Variants in ABLIM2 observed in about 807,000 individuals in gnomAD.
ABLIM2 encodes the protein actin-binding LIM protein 2.
ABLIM2 carries 53 observed loss-of-function variants against 97.7 expected under a neutral mutation model. The observed-to-expected ratio is 0.54, with a 90% CI of 0.44 to 0.68. ABLIM2 has a LOEUF of 0.68. Among genes scored for constraint, ABLIM2 ranks in the 30% least tolerant of loss-of-function variants. The pLI is 0.00. For missense variants in ABLIM2, 835 were observed against 867.2 expected, an observed-to-expected ratio of 0.96 and a Z score of 0.47; for synonymous variants, 361 against 345.8, an observed-to-expected ratio of 1.04 and a Z score of -0.49.
At chr4:8,027,236 A>T (rs11728253) in intron 12 of ABLIM2, among the ~76,000 whole-genome samples, 118,443 of 152,114 alleles carry the variant, frequency 0.78, 46,600 homozygotes, top group African/African-American at 0.9. Context: ...CTGCGTGACC[A>T]GCATGTGGGT....
At chr4:8,057,314 G>A (rs564618865) in intron 7 of ABLIM2, among the ~76,000 whole-genome samples, 31 of 152,178 alleles carry the variant, frequency 2.0e-4, no homozygotes, top group South Asian at 1.9e-3. Flanking sequence ...TTGAACTTCC[G>A]ACTTCGGGTG....
chr4:8,140,446 G>A lies in ABLIM2; in HGVS notation c.10+18234C>T, dbSNP rs561916900. The stretch of plus-strand genomic sequence containing the variant: ...CGTGAAACAGTGCCAGAGGAGGACC[G>A]CATCGTGCACCACCTGGAGGCTTGG... On this transcript the variant is annotated intron_variant, in intron 1 of 20. Transcript: ENST00000447017. This position sits in a 1 kb window ranked among gnomAD's most constrained non-coding sequence, Gnocchi z 5.9. Among the ~76,000 whole-genome samples, 6 of 151,978 alleles carry A rather than the reference G, an allele frequency of 3.9e-5. No individual in the cohort carries two copies. The highest frequency in any genetic ancestry group is 9.7e-5 in the African/African-American group (4 of 41,340).
In ABLIM2 at chr4:7,995,953, A is replaced by T. The variant is rs115172163; in HGVS notation, c.1619-3026T>A. Among the ~76,000 whole-genome samples, 1,032 of 151,936 alleles carry T rather than the reference A, an allele frequency of 6.8e-3. 11 individuals are homozygous for T. The highest frequency in any genetic ancestry group is 0.024 in the African/African-American group (988 of 41,392). ...TGCAGGAACCTGCCTGAGGTCACCC[A>T]GCCAGGTAGCGGCAGCCCCAGGATG... On this transcript the variant is annotated intron_variant, in intron 16 of 20. Coordinates refer to ENST00000447017, the MANE Select transcript of ABLIM2 (RefSeq NM_001130083.2).
At chr4:8,037,432 T>C (rs1026834271) in intron 9 of ABLIM2, among the ~76,000 whole-genome samples, 11 of 151,792 alleles carry the variant, frequency 7.2e-5, no homozygotes, top group Non-Finnish European at 1.2e-4. Flanking sequence ...TGTGGAGGTA[T>C]AGACCCCCCT....
rs1744151670 is a variant in ABLIM2, at chr4:7,986,398, G to A, written c.1681-1505C>T. On this transcript the variant is annotated intron_variant, in intron 17 of 20. Transcript: ENST00000447017. The surrounding 1 kb of genome is among the most constrained non-coding windows in gnomAD (Gnocchi z 4.3). ...GGACCTTCTTCCTGATGCAGAGCTG[G>A]AGTCAGAGGGCTAGAGTCAGGCTCA... Among the ~76,000 whole-genome samples, 1 of 152,198 alleles carries A rather than the reference G, an allele frequency of 6.6e-6. No homozygotes were observed. Among genetic ancestry groups the A allele is most frequent in the African/African-American group, 2.4e-5 (1 of 41,462 alleles).
rs1849189010 is a variant in ABLIM2 at position 8,130,386 on chromosome 4, G to T, written c.11-23749C>A. ...GGCCATGTGGAGAGGTTGGCCTTCTGAGTCCTGCCTGGGCCCTCAGGGTCC... is the reference window on the plus strand; with the variant it reads ...GGCCATGTGGAGAGGTTGGCCTTCTTAGTCCTGCCTGGGCCCTCAGGGTCC... On this transcript the variant is annotated intron_variant, in intron 1 of 20. Coordinates refer to ENST00000447017, the MANE Select transcript of ABLIM2 (RefSeq NM_001130083.2). This position sits in a 1 kb window ranked among gnomAD's most constrained non-coding sequence, Gnocchi z 4.2. Among the ~76,000 whole-genome samples, 1 of 152,248 alleles carries T rather than the reference G, an allele frequency of 6.6e-6. No individual in the cohort carries two copies. The highest frequency in any genetic ancestry group is 1.5e-5 in the Non-Finnish European group (1 of 68,054).
chr4:8,129,261 C>T (rs893837582), intron 1 of ABLIM2, among the ~76,000 whole-genome samples: 6 of 152,186 alleles, frequency 3.9e-5, no homozygotes, highest in African/African-American at 7.2e-5. Context: ...AGCAGAAATA[C>T]GTATGCCCCG....
At chr4:8,026,624 ACAT>A (rs143582475) in intron 12 of ABLIM2, among the ~76,000 whole-genome samples, 1 of 152,370 alleles carries the variant, frequency 6.6e-6, no homozygotes, top group East Asian at 1.9e-4. Context: ...ATTGGCAAGA[ACAT>A]CATTGCTGCC....
At position 8,054,438 on chromosome 4, in the gene ABLIM2, C is replaced by T. The variant is rs970315945; in HGVS notation, c.764-192G>A. Among the ~76,000 whole-genome samples the T allele has an allele frequency of 1.3e-5, 2 of 152,234 alleles. No individual in the cohort carries two copies. The highest frequency in any genetic ancestry group is 2.9e-5 in the Non-Finnish European group (2 of 68,048). On this transcript the variant is annotated intron_variant, in intron 7 of 20. Transcript: ENST00000447017. The surrounding 1 kb of genome is among the most constrained non-coding windows in gnomAD (Gnocchi z 4.9). ...GGGGGTACCCAGATCACAGTCCCCG[C>T]CCCTCAGGGGCTCACAGCCCAGTTG... is the stretch of plus-strand genomic sequence containing the variant.
At position 8,123,671 on chromosome 4, in the gene ABLIM2, G is replaced by A. The variant is rs1243874704; in HGVS notation, c.11-17034C>T. 1.3e-5 allele frequency among the ~76,000 whole-genome samples: 2 copies of A among 152,184 alleles called. No homozygotes were observed. The highest frequency in any genetic ancestry group is 4.8e-5 in the African/African-American group (2 of 41,452). On this transcript the variant is annotated intron_variant, in intron 1 of 20. Coordinates refer to ENST00000447017, the MANE Select transcript of ABLIM2 (RefSeq NM_001130083.2). This position sits in a 1 kb window ranked among gnomAD's most constrained non-coding sequence, Gnocchi z 6.2. Reference sequence around the variant, plus strand: ...AGGCAGCCAGCCCCTGCCTTAAAGCGGGTCTCCTGGGGGCGTCATCCTTGT... The same window carrying A: ...AGGCAGCCAGCCCCTGCCTTAAAGCAGGTCTCCTGGGGGCGTCATCCTTGT...
chr4:7,986,918 G>A lies in ABLIM2; in HGVS notation c.1681-2025C>T, dbSNP rs752528344. The stretch of plus-strand genomic sequence containing the variant: ...ACTCCTGACCTCAGGTGATCCACCC[G>A]CGTTGGCCTCCCAAAGTGCTGGGAT... On this transcript the variant is annotated intron_variant, in intron 17 of 20. Coordinates refer to ENST00000447017, the MANE Select transcript of ABLIM2 (RefSeq NM_001130083.2). The surrounding 1 kb of genome is among the most constrained non-coding windows in gnomAD (Gnocchi z 4.3). Among the ~76,000 whole-genome samples the A allele has an allele frequency of 6.6e-6, 1 of 152,166 alleles. No individual in the cohort carries two copies. Among genetic ancestry groups the A allele is most frequent in the African/African-American group, 2.4e-5 (1 of 41,454 alleles).
Position 8,136,284 on chromosome 4 carries a change from C to T in ABLIM2, c.10+22396G>A, listed in dbSNP as rs775752114. ...AAGTAGAAGGGTGGGTGGCAGGGGCCGGGGAGTTAGTGTTGAAGGGGGACA... is the reference window on the plus strand; with the variant it reads ...AAGTAGAAGGGTGGGTGGCAGGGGCTGGGGAGTTAGTGTTGAAGGGGGACA... On this transcript the variant is annotated intron_variant, in intron 1 of 20. Transcript: ENST00000447017. Among the ~76,000 whole-genome samples the T allele has an allele frequency of 4.6e-5, 7 of 152,020 alleles. 1 individual carries two copies. Among genetic ancestry groups the T allele is most frequent in the Middle Eastern group, 3.4e-3 (1 of 294 alleles).
chr4:8,005,096 G>C lies in ABLIM2; in HGVS notation c.1618+2963C>G, dbSNP rs971248452. On this transcript the variant is annotated intron_variant, in intron 16 of 20. Coordinates refer to ENST00000447017, the MANE Select transcript of ABLIM2 (RefSeq NM_001130083.2). This position sits in a 1 kb window ranked among gnomAD's most constrained non-coding sequence, Gnocchi z 4.9. ...GAATGATGAACTCAGTCCCGGGTGA[G>C]ATGTGCAGATGGTGTTGTGGGTGAG... Among the ~76,000 whole-genome samples, 1 of 152,224 alleles carries C rather than the reference G, an allele frequency of 6.6e-6. No homozygotes were observed. Among genetic ancestry groups the C allele is most frequent in the Non-Finnish European group, 1.5e-5 (1 of 68,050 alleles).
At chr4:8,060,896 A>C in intron 7 of ABLIM2, 71 bp downstream of exon 7, 1 of 1,313,796 alleles carries the variant, frequency 7.6e-7, no homozygotes, top group Non-Finnish European at 1.1e-6. Flanking sequence ...GTTCACACCC[A>C]GCATGTGTGT....
At chr4:8,057,185 G>C (rs1043308502) in intron 7 of ABLIM2, among the ~76,000 whole-genome samples, 17 of 146,820 alleles carry the variant, frequency 1.2e-4, no homozygotes, top group Non-Finnish European at 8.9e-5. Context: ...TGCAACCTCT[G>C]CCTCCCAGGT....
At position 7,998,877 on chromosome 4, in the gene ABLIM2, C is replaced by T. The variant is rs975238955; in HGVS notation, c.1619-5950G>A. ...AGTTGTCCTGTGACCAACCGTCTGC[C>T]GTATCATTTGCAGGTCCGTTTAGCT... On this transcript the variant is annotated intron_variant, in intron 16 of 20. Coordinates refer to ENST00000447017, the MANE Select transcript of ABLIM2 (RefSeq NM_001130083.2). This position sits in a 1 kb window ranked among gnomAD's most constrained non-coding sequence, Gnocchi z 6.4. 1.1e-4 allele frequency among the ~76,000 whole-genome samples: 17 copies of T among 152,088 alleles called. No individual in the cohort carries two copies. The highest frequency in any genetic ancestry group is 3.4e-4 in the African/African-American group (14 of 41,382).
intron 20 of ABLIM2, among the ~76,000 whole-genome samples, chr4:7,974,393 AT>A (rs1323005424): frequency 3.4e-5 from 4 of 118,876 alleles, no homozygotes; most frequent in African/African-American, 8.0e-5. Context: ...CCATCCACCC[AT>A]CCATCCACCC....
rs1757660578 is a variant in ABLIM2, at chr4:8,002,137, T to C, written c.1618+5922A>G. ...GGGCTACCAACTCCCACGGTTCCAGTCCCATCTGGGAGCCGGGGACCCTCA... is the reference window on the plus strand; with the variant it reads ...GGGCTACCAACTCCCACGGTTCCAGCCCCATCTGGGAGCCGGGGACCCTCA... On this transcript the variant is annotated intron_variant, in intron 16 of 20. Transcript: ENST00000447017. This position sits in a 1 kb window ranked among gnomAD's most constrained non-coding sequence, Gnocchi z 6.1. Among the ~76,000 whole-genome samples the C allele has an allele frequency of 6.6e-6, 1 of 152,076 alleles. No individual in the cohort carries two copies. The highest frequency in any genetic ancestry group is 2.4e-5 in the African/African-American group (1 of 41,416).
Position 8,125,739 on chromosome 4 carries a change from C to A in ABLIM2, c.11-19102G>T, listed in dbSNP as rs1195838951. On this transcript the variant is annotated intron_variant, in intron 1 of 20. Coordinates refer to ENST00000447017, the MANE Select transcript of ABLIM2 (RefSeq NM_001130083.2). This position sits in a 1 kb window ranked among gnomAD's most constrained non-coding sequence, Gnocchi z 6.2. ...AGCTGAGCTGGAGAGGCCCGCCCAG[C>A]CTCTGCCATGGAAACTCCATCTGGG... 1.3e-5 allele frequency among the ~76,000 whole-genome samples: 2 copies of A among 152,208 alleles called. No homozygotes were observed. The highest frequency in any genetic ancestry group is 2.4e-5 in the African/African-American group (1 of 41,448).
Sources: allele counts gnomAD v4.1 joint callset (sites outside exome capture counted in the v4.1 genomes callset), GRCh38; gene constraint gnomAD v4.1.1; non-coding constraint Gnocchi (gnomAD v3.1); transcripts MANE v1.5; gene names NCBI Gene and HGNC (gene_info 2026-07-23, HGNC 2026-07-21).